TENM4: variants seen among roughly 807,000 people sequenced by gnomAD.
The protein encoded by TENM4 is teneurin-4.
In TENM4, 82 loss-of-function variants were observed where a neutral mutation model predicts 243.3. The observed-to-expected ratio is 0.34, with a 90% CI of 0.28 to 0.40. The LOEUF is 0.40. Among genes scored for constraint, TENM4 ranks in the 10% least tolerant of loss-of-function variants. The probability of loss-of-function intolerance (pLI) is 1.00; values close to 1 mark genes in which losing one functional copy is unlikely to be tolerated. For missense variants in TENM4, 3,138 were observed against 3,673.3 expected (o/e 0.85, Z 3.77); for synonymous variants, 1,412 against 1,456.3 (o/e 0.97, Z 0.69).
Position 78,701,491 on chromosome 11 carries a change from A to G in TENM4, c.5087+35T>C, listed in dbSNP as rs540909816. The G allele has an allele frequency of 8.0e-5, 122 of 1,528,990 alleles. No individual in the cohort carries two copies. The South Asian group carries it at 1.6e-3, about 20-fold the overall frequency. 94.7% of individuals were successfully genotyped at this position (1,528,990 alleles called of 1,614,324 possible). Reference sequence around the variant, plus strand: ...TCCAATCCTACAATGAATTAATGAAACAAAATCATCAAATGGCCTTGTTTT... The same window carrying G: ...TCCAATCCTACAATGAATTAATGAAGCAAAATCATCAAATGGCCTTGTTTT... On this transcript the variant is annotated intron_variant, in intron 28 of 33. Transcript: ENST00000278550.
intron 12 of TENM4, among the ~76,000 whole-genome samples, chr11:78,851,959 A>G (rs1442539303): frequency 6.6e-6 from 1 of 152,216 alleles, no homozygotes; most frequent in Non-Finnish European, 1.5e-5. Flanking sequence ...AATCCCTGCC[A>G]CAGTTCACAA....
intron 6 of TENM4, among the ~76,000 whole-genome samples, chr11:79,050,809 G>A (rs567253824): frequency 6.6e-6 from 1 of 152,224 alleles, no homozygotes; most frequent in African/African-American, 2.4e-5. Context: ...ATTTGAGGGA[G>A]AGTTTCTTCC....
intron 28 of TENM4, among the ~76,000 whole-genome samples, chr11:78,688,772 G>GC (rs5792813): frequency 0.43 from 64,625 of 152,050 alleles, 16,770 homozygotes; most frequent in African/African-American, 0.74. Flanking sequence ...CCAGGACTTA[G>GC]CTAGATAAAT....
intron 19 of TENM4, among the ~76,000 whole-genome samples, chr11:78,755,301 A>G (rs1204205408): frequency 2.6e-5 from 4 of 151,864 alleles, no homozygotes; most frequent in Non-Finnish European, 5.9e-5. Flanking sequence ...AGTAGCTGGG[A>G]GTATAGGTAC....
At chr11:78,996,734 T>A (rs72947316) in intron 6 of TENM4, among the ~76,000 whole-genome samples, 1 of 152,044 alleles carries the variant, frequency 6.6e-6, no homozygotes, top group Admixed American at 6.5e-5. Context: ...AAGGTGAGGC[T>A]CCTTCTCTTC....
chr11:79,012,339 G>A (rs1389650827), intron 6 of TENM4, among the ~76,000 whole-genome samples: 1 of 152,196 alleles, frequency 6.6e-6, no homozygotes, highest in African/African-American at 2.4e-5. Flanking sequence ...AAAACAGGAG[G>A]TTGCCAGACC....
Position 78,876,461 on chromosome 11 carries a change from T to C in TENM4, c.1084+13324A>G, listed in dbSNP as rs1390929769. 2.6e-4 allele frequency among the ~76,000 whole-genome samples: 39 copies of C among 152,242 alleles called. 1 individual carries two copies. Among genetic ancestry groups the C allele is most frequent in the Admixed American group, 2.4e-3 (37 of 15,286 alleles). Reference sequence around the variant, plus strand: ...TATCCAACATTCCTGTCTACTATCCTCTACCTTTGCTTAGGCTGTTCGGTC... The same window carrying C: ...TATCCAACATTCCTGTCTACTATCCCCTACCTTTGCTTAGGCTGTTCGGTC... On this transcript the variant is annotated intron_variant, in intron 9 of 33. Coordinates refer to ENST00000278550, the MANE Select transcript of TENM4 (RefSeq NM_001098816.3).
At chr11:79,364,659 T>C (rs532137912) in intron 1 of TENM4, among the ~76,000 whole-genome samples, 1 of 152,360 alleles carries the variant, frequency 6.6e-6, no homozygotes, top group East Asian at 1.9e-4. Flanking sequence ...CCAGTAACTC[T>C]TTGAAGTATT....
chr11:79,358,089 C>T (rs2135488431), intron 1 of TENM4, among the ~76,000 whole-genome samples: 1 of 152,294 alleles, frequency 6.6e-6, no homozygotes, highest in African/African-American at 2.4e-5. Flanking sequence ...CACTCCTTTA[C>T]AACACTCTCC....
At position 78,657,051 on chromosome 11, in the gene TENM4, G is replaced by T; in HGVS notation, c.*1007C>A. 2.5e-6 allele frequency: 1 copy of T among 398,640 alleles called. No homozygotes were observed. The highest frequency in any genetic ancestry group is 4.4e-6 in the Non-Finnish European group (1 of 226,100). 24.7% of individuals were successfully genotyped at this position (398,640 alleles called of 1,614,324 possible). On this transcript the variant is annotated 3_prime_UTR_variant, in exon 34 of 34. Transcript: ENST00000278550. ...AGTCATAGAGAGAGGGCTTTGCCTC[G>T]GAAGGCAGGCTGGTGCCCTCGCCAC...
At chr11:79,308,049 C>T (rs1487884056) in intron 1 of TENM4, among the ~76,000 whole-genome samples, 1 of 152,188 alleles carries the variant, frequency 6.6e-6, no homozygotes, top group East Asian at 1.9e-4. Flanking sequence ...CAGGGAATTG[C>T]CTCAGAAGCT....
At chr11:79,131,041 A>G (rs1861993360) in intron 4 of TENM4, among the ~76,000 whole-genome samples, 1 of 152,154 alleles carries the variant, frequency 6.6e-6, no homozygotes, top group Non-Finnish European at 1.5e-5. Flanking sequence ...ATGTTAAATG[A>G]TGAAACCTAA....
chr11:78,878,564 C>T (rs903844406), intron 9 of TENM4, among the ~76,000 whole-genome samples: 1 of 152,176 alleles, frequency 6.6e-6, no homozygotes, highest in African/African-American at 2.4e-5. Flanking sequence ...CTTCAGGAAT[C>T]CTTCAGCCTT....
intron 19 of TENM4, among the ~76,000 whole-genome samples, chr11:78,747,581 G>C (rs1209926663): frequency 6.6e-6 from 1 of 152,138 alleles, no homozygotes; most frequent in Admixed American, 6.5e-5. Context: ...GGGGAGGCAC[G>C]AGGGGCTGGA....
Position 78,805,277 on chromosome 11 carries a change from T to TCCCCACCCACCACCCCCCC in TENM4, c.2179+14_2179+15insGGGGGGGTGGTGGGTGGGG. On this transcript the variant is annotated intron_variant, in intron 15 of 33. Transcript: ENST00000278550. ...CCCCTCCCTCTACCCATGCTTCTTC[T>TCCCCACCCACCACCCCCCC]CCCCCTGCATTTACCGATAGAACAG... The TCCCCACCCACCACCCCCCC allele has an allele frequency of 7.1e-7, 1 of 1,402,550 alleles. No individual in the cohort carries two copies. The allele number at this position is 1,402,550 out of a possible 1,614,324, so 86.9% of individuals were successfully genotyped here. A position where few individuals can be genotyped will look rare whatever the true frequency, so the allele number is the denominator to read the frequency against.
chr11:78,942,780 A>C (rs1856929525), intron 6 of TENM4, among the ~76,000 whole-genome samples: 1 of 149,326 alleles, frequency 6.7e-6, no homozygotes, highest in Non-Finnish European at 1.5e-5. Flanking sequence ...TCCCCCTCCT[A>C]CGTAAAATTT....
intron 1 of TENM4, among the ~76,000 whole-genome samples, chr11:79,306,996 T>G (rs1401160507): frequency 1.3e-5 from 2 of 152,212 alleles, no homozygotes; most frequent in Non-Finnish European, 2.9e-5. Context: ...TGTGCCTCTT[T>G]GTAAAAGGAT....
At chr11:79,193,498 C>T (rs1863559577) in intron 3 of TENM4, among the ~76,000 whole-genome samples, 1 of 152,196 alleles carries the variant, frequency 6.6e-6, no homozygotes, top group Non-Finnish European at 1.5e-5. Flanking sequence ...AAGCTTGTGG[C>T]CCGGCCGGTC....
chr11:79,383,130 C>T (rs552141287), intron 1 of TENM4, among the ~76,000 whole-genome samples: 1 of 152,284 alleles, frequency 6.6e-6, no homozygotes, highest in South Asian at 2.1e-4. Context: ...TCTGAGTCCC[C>T]TTTCTGGCCA....
Sources: gnomAD v4.1 joint callset for allele counts (sites outside exome capture counted in the v4.1 genomes callset) on GRCh38, gnomAD v4.1.1 for gene constraint, MANE v1.5 for transcripts, NCBI Gene and HGNC (gene_info 2026-07-23, HGNC 2026-07-21) for gene names.